Variants in DLG5 observed in about 807,000 individuals in gnomAD.
DLG5 encodes discs large MAGUK scaffold protein 5.
In DLG5, 48 loss-of-function variants were observed where a neutral mutation model predicts 189.8. That is an observed-to-expected ratio of 0.25 (90% confidence interval 0.20 to 0.32). The LOEUF (loss-of-function observed/expected upper bound fraction) is 0.32. Among genes scored for constraint, DLG5 ranks in the 10% least tolerant of loss-of-function variants. The probability of loss-of-function intolerance (pLI) is 1.00; values close to 1 mark genes in which losing one functional copy is unlikely to be tolerated. For missense variants in DLG5, 2,160 were observed against 2,544.7 expected, an observed-to-expected ratio of 0.85 and a Z score of 3.25; for synonymous variants, 1,016 against 1,054.1, an observed-to-expected ratio of 0.96 and a Z score of 0.70.
Position 77,916,857 on chromosome 10 carries a change from C to T in DLG5, c.304+9360G>A, listed in dbSNP as rs1345216222. ...ATTCACAATGGCTAAAAGGTGAAAA[C>T]AACCCAAATGTGTCCATCAACAGGT... On this transcript the variant is annotated intron_variant, in intron 1 of 31. Transcript: ENST00000372391. Among the ~76,000 whole-genome samples, 4 of 145,238 alleles carry T rather than the reference C, an allele frequency of 2.8e-5. No individual in the cohort carries two copies. In the East Asian group the frequency reaches 8.4e-4, roughly 30 times the overall value.
intron 27 of DLG5, 116 bp downstream of exon 27, chr10:77,805,549 C>A: frequency 8.1e-7 from 1 of 1,227,216 alleles, no homozygotes. Flanking sequence ...CACCTTCAGA[C>A]TTGCGCACAA....
rs201592542 is a variant in DLG5, at chr10:77,897,853, C to CATG, written c.304+28361_304+28363dup. ...TGAGGGCCTATACAAACACAGGAGA[C>CATG]ATGATGAAGTTTGAAAATATTCTAT... On this transcript the variant is annotated intron_variant, in intron 1 of 31. Coordinates refer to ENST00000372391, the MANE Select transcript of DLG5 (RefSeq NM_004747.4). Among the ~76,000 whole-genome samples, 6 of 150,852 alleles carry CATG rather than the reference C, an allele frequency of 4.0e-5. No individual in the cohort carries two copies. In the East Asian group the frequency reaches 1.3e-3, roughly 32 times the overall value.
At chr10:77,846,836 C>T (rs1462175594) in intron 5 of DLG5, 2 of 409,338 alleles carry the variant, frequency 4.9e-6, no homozygotes, top group South Asian at 3.5e-5. Flanking sequence ...AGGTGGCAGC[C>T]GCGGGGAGAC....
chr10:77,936,273 A>G, the DLG5 span, among the ~76,000 whole-genome samples: 2 of 152,040 alleles, frequency 1.3e-5, no homozygotes, highest in Admixed American at 1.3e-4. Flanking sequence ...TTCCATCTCT[A>G]CTAAAAATAC....
At chr10:77,928,914 GC>G (rs1037325370), upstream of DLG5, 5 of 152,166 alleles carry the variant, frequency 3.3e-5, no homozygotes, top group African/African-American at 1.2e-4. Context: ...TGTAATCCCA[GC>G]TGTTCAGGAG....
chr10:77,817,224 G>T (rs1174295491), intron 18 of DLG5, 128 bp from the exon 19 acceptor site: 3 of 822,498 alleles, frequency 3.6e-6, no homozygotes, highest in African/African-American at 3.4e-5. Flanking sequence ...TCCCAAGGGA[G>T]CCTTGATATG....
rs1282230596 is a variant in DLG5, at chr10:77,812,258, A to T, written c.4145T>A (p.Ile1382Asn). 3 of 1,614,038 alleles carry T rather than the reference A, an allele frequency of 1.9e-6. No individual in the cohort carries two copies. ...IYVSKVTVGS[I>N]AHQAGLEYGD... ...ATACTCGAGGCCAGCCTGGTGAGCG[A>T]TGCTCCCCACGGTCACCTTGGAGAC... The change falls in exon 21 of 32, where the codon ATC (isoleucine) becomes AAC (asparagine). Residue 1382 changes from isoleucine to asparagine, a missense_variant. By Grantham distance (149) the Ile-to-Asn change is moderately radical. Coordinates refer to ENST00000372391, the MANE Select transcript of DLG5 (RefSeq NM_004747.4).
chr10:77,848,770 TA>T (rs915609637), intron 5 of DLG5, among the ~76,000 whole-genome samples: 18 of 149,152 alleles, frequency 1.2e-4, no homozygotes, highest in Admixed American at 2.0e-4. Context: ...AATGTGACAT[TA>T]AAAAAAAAAT....
upstream of DLG5, among the ~76,000 whole-genome samples, chr10:77,930,450 C>A (rs904381519): frequency 6.6e-6 from 1 of 150,786 alleles, no homozygotes; most frequent in African/African-American, 2.4e-5. Context: ...CGGGTTCAAG[C>A]GATTCTCCTG....
chr10:77,792,577 T>C, intron 31 of DLG5, 34 bp from the exon 32 acceptor site: 2 of 1,604,258 alleles, frequency 1.2e-6, no homozygotes, highest in Non-Finnish European at 1.7e-6. Flanking sequence ...GTCATTCAGC[T>C]CAGAGTAAGA....
intron 9 of DLG5, 62 bp from the exon 10 acceptor site, chr10:77,830,935 G>A (rs999963881): frequency 6.3e-5 from 99 of 1,574,414 alleles, no homozygotes; most frequent in African/African-American, 2.7e-5. Flanking sequence ...ACCGCGTAAC[G>A]GCTCTGAACC....
chr10:77,813,492 A>G (rs1841886161), intron 20 of DLG5, among the ~76,000 whole-genome samples: 1 of 151,854 alleles, frequency 6.6e-6, no homozygotes, highest in Non-Finnish European at 1.5e-5. Flanking sequence ...AAACTTGCCC[A>G]CTCTGGAAAT....
chr10:77,846,105 C>T (rs1263105969), intron 5 of DLG5, among the ~76,000 whole-genome samples: 4 of 152,172 alleles, frequency 2.6e-5, no homozygotes, highest in South Asian at 2.1e-4. Context: ...ATTAGCTGGG[C>T]GTGGTGGCGG....
chr10:77,821,492 C>G lies in DLG5; in HGVS notation c.2992G>C (p.Ala998Pro). 1 of 1,612,648 alleles carries G rather than the reference C, an allele frequency of 6.2e-7. No individual in the cohort carries two copies. Among genetic ancestry groups the G allele is most frequent in the South Asian group, 1.1e-5 (1 of 91,064 alleles). The change falls in exon 15 of 32, where the codon GCT (alanine) becomes CCT (proline). Residue 998 changes from alanine to proline, a missense_variant. Ala to Pro is a conservative substitution (Grantham distance 27, BLOSUM62 -1). Transcript: ENST00000372391. ...IDYLLPGPGP[A>P]HSPQPSKRAG... ...CTCTTGGAGGGCTGGGGAGAGTGAG[C>G]AGGCCCAGGACCTGGAAGCAGGTAG...
chr10:77,854,370 C>A lies in DLG5; in HGVS notation c.537G>T (p.Arg179Ser). 1 of 1,613,874 alleles carries A rather than the reference C, an allele frequency of 6.2e-7. No individual in the cohort carries two copies. The highest frequency in any genetic ancestry group is 8.5e-7 in the Non-Finnish European group (1 of 1,179,986). ...AGTCAGGATTCAGCCTGTGGTAGGG[C>A]CTGGCCCAGAGAGCGAATGGCCCCA... ...FATHGTAFDK[R>S]PYHRLNPDYE... Residue 179 changes from arginine (R) to serine (S), a missense_variant and splice_region_variant, in exon 4 of 32, where the codon AGG (arginine) becomes AGT (serine). By Grantham distance (110) the Arg-to-Ser change is moderately radical. Around this residue, in one of 5 missense-constraint regions of DLG5, gnomAD observed 664 missense variants for 838.5 expected, o/e 0.79. Coordinates refer to ENST00000372391, the MANE Select transcript of DLG5 (RefSeq NM_004747.4).
intron 23 of DLG5, among the ~76,000 whole-genome samples, chr10:77,810,350 A>C (rs750538995): frequency 1.3e-5 from 2 of 152,100 alleles, no homozygotes; most frequent in Non-Finnish European, 2.9e-5. Context: ...AATGTGACAG[A>C]CTCTGGTATA....
In DLG5 at chr10:77,926,122, G is replaced by C; in HGVS notation, c.304+95C>G. ...AGCGAGTCCACCGAGGCCATCGCCA[G>C]GTGGAGCGGCGGCCCCGGCGAGGTA... On this transcript the variant is annotated intron_variant, in intron 1 of 31. Transcript: ENST00000372391. The surrounding 1 kb of genome is among the most constrained non-coding windows in gnomAD (Gnocchi z 5.2). 1 of 1,251,202 alleles carries C rather than the reference G, an allele frequency of 8.0e-7. No individual in the cohort carries two copies. Among genetic ancestry groups the C allele is most frequent in the South Asian group, 2.7e-5 (1 of 37,656 alleles). 77.5% of individuals were successfully genotyped at this position (1,251,202 alleles called of 1,614,324 possible).
chr10:77,851,222 T>C (rs1843960052), intron 5 of DLG5, among the ~76,000 whole-genome samples: 1 of 152,248 alleles, frequency 6.6e-6, no homozygotes. Context: ...TCCACAGGAT[T>C]TCTTTTGAGG....
At chr10:77,806,338 TG>T (rs144583399) in intron 26 of DLG5, among the ~76,000 whole-genome samples, 4,903 of 152,162 alleles carry the variant, frequency 0.032, 262 homozygotes, top group African/African-American at 0.11. Flanking sequence ...GGCTGAGGGC[TG>T]GGTGGGAGGA....
Sources: gnomAD v4.1 joint callset for allele counts (sites outside exome capture counted in the v4.1 genomes callset) on GRCh38, gnomAD v4.1.1 for gene constraint, gnomAD v4.1.1 regional missense constraint, Gnocchi (gnomAD v3.1) non-coding constraint, MANE v1.5 for transcripts, NCBI Gene and HGNC (gene_info 2026-07-23, HGNC 2026-07-21) for gene names.